WNT7A: variants seen among roughly 807,000 people sequenced by gnomAD.
WNT7A encodes Wnt family member 7A, also known as protein Wnt-7a.
In WNT7A, 16 loss-of-function variants were observed where a neutral mutation model predicts 28.2. That is an observed-to-expected ratio of 0.57 (90% CI 0.38 to 0.86). The LOEUF (loss-of-function observed/expected upper bound fraction) is 0.86. Ranked by LOEUF, WNT7A falls within the 40% of genes least tolerant of loss-of-function variation. WNT7A has a pLI of 0.00. For missense variants in WNT7A, 411 were observed against 489.7 expected, an observed-to-expected ratio of 0.84 and a Z score of 1.52; for synonymous variants, 190 against 195.9, an observed-to-expected ratio of 0.97 and a Z score of 0.25.
intron 3 of WNT7A, among the ~76,000 whole-genome samples, chr3:13,844,913 C>T (rs1383799367): frequency 6.6e-6 from 1 of 152,198 alleles, no homozygotes; most frequent in African/African-American, 2.4e-5. Context: ...GGCTCCCCTC[C>T]CTCCCTCTTC....
At chr3:13,841,939 T>G (rs1694463898) in intron 3 of WNT7A, among the ~76,000 whole-genome samples, 1 of 151,604 alleles carries the variant, frequency 6.6e-6, no homozygotes, top group Non-Finnish European at 1.5e-5. Context: ...GGTGAGAGGG[T>G]AAGTGTCTGC....
intron 3 of WNT7A, among the ~76,000 whole-genome samples, chr3:13,823,507 C>A (rs1243788494): frequency 1.3e-5 from 2 of 152,186 alleles, no homozygotes; most frequent in African/African-American, 4.8e-5. Flanking sequence ...CAGGCATCAA[C>A]CCTCCATTGC....
intron 3 of WNT7A, 129 bp from the exon 4 acceptor site, chr3:13,819,552 G>A: frequency 7.6e-7 from 1 of 1,310,346 alleles, no homozygotes; most frequent in Non-Finnish European, 1.0e-6. Context: ...TTTTCTTTCT[G>A]GTGTAGGAAA....
Position 13,837,326 on chromosome 3 carries a change from C to A in WNT7A, c.570+17206G>T, listed in dbSNP as rs113635788. ...AGCAACGTAAAGCCACCCTGGATGGCCCCCTCTCCACAGTGCCCCGCATCA... is the reference window on the plus strand; with the variant it reads ...AGCAACGTAAAGCCACCCTGGATGGACCCCTCTCCACAGTGCCCCGCATCA... On this transcript the variant is annotated intron_variant, in intron 3 of 3. Coordinates refer to ENST00000285018, the MANE Select transcript of WNT7A (RefSeq NM_004625.4). Among the ~76,000 whole-genome samples, 145 of 151,940 alleles carry A rather than the reference C, an allele frequency of 9.5e-4. 1 individual carries two copies. Among genetic ancestry groups the A allele is most frequent in the African/African-American group, 3.4e-3 (140 of 41,408 alleles).
intron 2 of WNT7A, among the ~76,000 whole-genome samples, chr3:13,861,004 G>T (rs78487946): frequency 6.6e-6 from 1 of 152,204 alleles, no homozygotes; most frequent in Admixed American, 6.5e-5. Flanking sequence ...GGAGGTGGGG[G>T]CTGCTATTAT....
At position 13,854,665 on chromosome 3, in the gene WNT7A, C is replaced by A; in HGVS notation, c.437G>T (p.Gly146Val). 6.2e-7 allele frequency: 1 copy of A among 1,614,164 alleles called. No individual in the cohort carries two copies. The highest frequency in any genetic ancestry group is 8.5e-7 in the Non-Finnish European group (1 of 1,180,034). Residue 146 changes from glycine to valine, a missense_variant, in exon 3 of 4, where the codon GGC becomes GTC. Coordinates refer to ENST00000285018, the MANE Select transcript of WNT7A (RefSeq NM_004625.4). Reference protein sequence around the residue: ...EKQGQYHRDEGWKWGGCSADI... With the variant: ...EKQGQYHRDEVWKWGGCSADI... ...GGCAGAGCAGCCACCCCACTTCCAG[C>A]CCTCGTCCCGGTGGTACTGGCCTTG...
chr3:13,874,912 T>G (rs751847680), intron 2 of WNT7A, 35 bp downstream of exon 2: 16 of 1,607,258 alleles, frequency 1.0e-5, no homozygotes, highest in Non-Finnish European at 1.7e-6. Flanking sequence ...CTAGAGCCGG[T>G]AAGACTCTGC....
In WNT7A at chr3:13,875,046, G is replaced by A; in HGVS notation, c.199C>T (p.Gln67Ter). 6.2e-7 allele frequency: 1 copy of A among 1,614,248 alleles called. No homozygotes were observed. The highest frequency in any genetic ancestry group is 1.7e-5 in the Admixed American group (1 of 60,036). Residue 67 changes from glutamine (Q) to a stop codon, truncating the protein, a stop_gained, in exon 2 of 4, where the codon CAA becomes TAA. Transcript: ENST00000285018. LOFTEE classifies it high-confidence loss of function. ...DAIIVIGEGSQMGLDECQFQF... is the reference protein window; with the variant it reads ...DAIIVIGEGS Reference sequence around the variant, plus strand: ...AACTGACACTCGTCCAGGCCCATTTGTGAGCCTTCTCCTATGACGATGATG... The same window carrying A: ...AACTGACACTCGTCCAGGCCCATTTATGAGCCTTCTCCTATGACGATGATG...
intron 3 of WNT7A, among the ~76,000 whole-genome samples, chr3:13,828,538 G>A (rs138854899): frequency 6.6e-5 from 10 of 152,336 alleles, no homozygotes; most frequent in Admixed American, 6.5e-4. Context: ...TGGTGGAGGT[G>A]CCCTTTGTAA....
At chr3:13,852,205 C>G (rs533105811) in intron 3 of WNT7A, among the ~76,000 whole-genome samples, 248 of 152,358 alleles carry the variant, frequency 1.6e-3, no homozygotes, top group Non-Finnish European at 2.8e-3. Context: ...TGCACCCCCC[C>G]ACCCCAGCCT....
intron 2 of WNT7A, among the ~76,000 whole-genome samples, chr3:13,874,734 C>T (rs948124779): frequency 1.0e-5 from 1 of 100,242 alleles, no homozygotes; most frequent in East Asian, 5.4e-4. Context: ...TGCTGGTTTG[C>T]ACCTCTGTCA....
chr3:13,863,447 T>A (rs1336027007), intron 2 of WNT7A, among the ~76,000 whole-genome samples: 5 of 152,194 alleles, frequency 3.3e-5, no homozygotes. Flanking sequence ...TGTATATGTG[T>A]GTGTGTGTCT....
intron 3 of WNT7A, among the ~76,000 whole-genome samples, chr3:13,826,468 C>G (rs1387649899): frequency 6.6e-6 from 1 of 152,092 alleles, no homozygotes; most frequent in African/African-American, 2.4e-5. Flanking sequence ...GGGGAAAAGG[C>G]ATTTCAGATT....
chr3:13,872,582 T>C (rs1695042472), intron 2 of WNT7A, among the ~76,000 whole-genome samples: 1 of 152,090 alleles, frequency 6.6e-6, no homozygotes, highest in Admixed American at 6.5e-5. Context: ...CTTGGGCACC[T>C]CTCTTTGCTG....
intron 2 of WNT7A, among the ~76,000 whole-genome samples, chr3:13,856,831 AAGG>A (rs1694736890): frequency 6.6e-6 from 1 of 151,174 alleles, no homozygotes; most frequent in Non-Finnish European, 1.5e-5. Context: ...GAAGAAGATG[AAGG>A]AGAAGAAGAA....
intron 3 of WNT7A, among the ~76,000 whole-genome samples, chr3:13,822,620 T>C (rs1001338024): frequency 2.0e-5 from 3 of 152,220 alleles, no homozygotes; most frequent in Non-Finnish European, 4.4e-5. Flanking sequence ...ATGAAAATAA[T>C]GTAAAATTCA....
chr3:13,852,981 T>C (rs1694664223), intron 3 of WNT7A, among the ~76,000 whole-genome samples: 1 of 152,134 alleles, frequency 6.6e-6, no homozygotes, highest in South Asian at 2.1e-4. Context: ...TTTCCTGAGA[T>C]GGGAGGGCTG....
intron 2 of WNT7A, among the ~76,000 whole-genome samples, chr3:13,871,460 T>G (rs1695024681): frequency 6.6e-6 from 1 of 152,138 alleles, no homozygotes. Flanking sequence ...CTCATCTTCC[T>G]CTTCCCACTG....
intron 2 of WNT7A, among the ~76,000 whole-genome samples, chr3:13,858,134 C>A (rs1416273327): frequency 6.6e-6 from 1 of 152,186 alleles, no homozygotes; most frequent in East Asian, 1.9e-4. Flanking sequence ...CCTCTGGGCA[C>A]CCCATGTAGA....
Sources: allele counts gnomAD v4.1 joint callset (sites outside exome capture counted in the v4.1 genomes callset), GRCh38; gene constraint gnomAD v4.1.1; transcripts MANE v1.5; gene names NCBI Gene and HGNC (gene_info 2026-07-23, HGNC 2026-07-21).